Variants in DOCK7 observed in about 807,000 individuals in gnomAD.
DOCK7 encodes dedicator of cytokinesis protein 7.
Under a neutral mutation model 271.0 loss-of-function variants are expected in DOCK7, and 138 were observed. The observed-to-expected ratio is 0.51, with a 90% CI of 0.44 to 0.59. The LOEUF (loss-of-function observed/expected upper bound fraction) is 0.59, where lower values mean the gene tolerates loss of function less well. DOCK7 is among the 20% of genes least tolerant of loss of function. DOCK7 has a pLI of 0.00. For synonymous variants in DOCK7, 823 were observed against 876.1 expected (o/e 0.94, Z 1.07); for missense variants, 2,066 against 2,592.4 (o/e 0.80, Z 4.41).
intron 21 of DOCK7, chr1:62,555,462 A>C (rs541652587): frequency 6.2e-6 from 1 of 161,788 alleles, no homozygotes; most frequent in East Asian, 1.8e-4. Context: ...TGGGCTCATG[A>C]GATCCTCCCA....
chr1:62,636,643 A>G (rs761912927), intron 7 of DOCK7, 40 bp from the exon 8 acceptor site: 3 of 1,481,246 alleles, frequency 2.0e-6, no homozygotes, highest in Non-Finnish European at 2.8e-6. Flanking sequence ...AAAGATAAAC[A>G]TGAAATACAC....
intron 14 of DOCK7, among the ~76,000 whole-genome samples, chr1:62,612,911 C>T (rs1012957040): frequency 6.6e-5 from 10 of 152,130 alleles, no homozygotes; most frequent in South Asian, 4.2e-4. Context: ...ACTGGAAATG[C>T]GGCTAACTCT....
At chr1:62,458,156 GGTGTGT>G (rs10609544) in intron 48 of DOCK7, 6,075 of 152,982 alleles carry the variant, frequency 0.04, 258 homozygotes, top group African/African-American at 0.11. Context: ...CTCAAACGTG[GGTGTGT>G]GTGTGTGTGT....
At chr1:62,529,190 AAATAAGATCTT>A in intron 30 of DOCK7, 76 bp downstream of exon 30, 1 of 1,298,972 alleles carries the variant, frequency 7.7e-7, no homozygotes, top group East Asian at 2.5e-5. Flanking sequence ...TATTTTCCTA[AAATAAGATCTT>A]CATCCTTGAG....
intron 15 of DOCK7, 28 bp downstream of exon 15, chr1:62,586,479 A>G: frequency 1.3e-6 from 2 of 1,514,816 alleles, no homozygotes; most frequent in Non-Finnish European, 1.8e-6. Context: ...AATACAAAAA[A>G]TTAGAAAAGT....
At chr1:62,466,090 T>G (rs879459516) in intron 48 of DOCK7, among the ~76,000 whole-genome samples, 2 of 152,184 alleles carry the variant, frequency 1.3e-5, no homozygotes, top group Non-Finnish European at 2.9e-5. Flanking sequence ...CAGTTTCTAC[T>G]GACAAAGAAG....
chr1:62,529,372 T>C lies in DOCK7; in HGVS notation c.3686A>G (p.Tyr1229Cys). The C allele has an allele frequency of 6.2e-7, 1 of 1,613,750 alleles. No individual in the cohort carries two copies. Among genetic ancestry groups the C allele is most frequent in the Non-Finnish European group, 8.5e-7 (1 of 1,179,920 alleles). The change falls in exon 30 of 50, where the codon TAC (tyrosine) becomes TGC (cysteine). Residue 1229 changes from tyrosine (Y) to cysteine (C), a missense_variant. Tyr to Cys is a radical substitution (Grantham distance 194). Coordinates refer to ENST00000635253, the MANE Select transcript of DOCK7 (RefSeq NM_001367561.1). ...TCGAGCCTTTATCTGAGGGTCAGAGTACCGCGGGTCTGAGTCGTGACTGGA... is the reference window on the plus strand; with the variant it reads ...TCGAGCCTTTATCTGAGGGTCAGAGCACCGCGGGTCTGAGTCGTGACTGGA... ...LLSSHDSDPR[Y>C]SDPQIKARVA...
chr1:62,663,261 C>T, intron 1 of DOCK7, 131 bp from the exon 2 acceptor site: 1 of 694,290 alleles, frequency 1.4e-6, no homozygotes, highest in Non-Finnish European at 2.4e-6. Context: ...AACAATAAGG[C>T]TAGAAATTCG....
intron 1 of DOCK7, among the ~76,000 whole-genome samples, chr1:62,687,954 C>G (rs906622232): frequency 1.3e-5 from 2 of 152,192 alleles, no homozygotes; most frequent in African/African-American, 4.8e-5. Context: ...CGCCGAGGAG[C>G]AGGAGGAGGC....
intron 7 of DOCK7, among the ~76,000 whole-genome samples, chr1:62,645,967 G>A (rs766962698): frequency 3.3e-5 from 5 of 151,770 alleles, no homozygotes; most frequent in African/African-American, 4.8e-5. Context: ...CCAACGTGGT[G>A]AAACCTCATC....
At position 62,494,332 on chromosome 1, in the gene DOCK7, T is replaced by G; in HGVS notation, c.5160A>C (p.Glu1720Asp). ...CLVHSAALVA[E>D]YLSMLEDRKY... ...TCCGGTCCTCCAGCATGCTCAAATATTCAGCAACAAGTGCTGCTGAGTGGA... is the reference window on the plus strand; with the variant it reads ...TCCGGTCCTCCAGCATGCTCAAATAGTCAGCAACAAGTGCTGCTGAGTGGA... Residue 1720 changes from glutamate to aspartate, a missense_variant, in exon 40 of 50, where the codon GAA (glutamate) becomes GAC (aspartate). Glu to Asp is a conservative substitution (Grantham distance 45, BLOSUM62 2). This residue lies in a region of DOCK7 where 652 missense variants were observed against 922.1 expected (regional missense o/e 0.71). Coordinates refer to ENST00000635253, the MANE Select transcript of DOCK7 (RefSeq NM_001367561.1). 1 of 1,609,652 alleles carries G rather than the reference T, an allele frequency of 6.2e-7. No homozygotes were observed. The highest frequency in any genetic ancestry group is 8.5e-7 in the Non-Finnish European group (1 of 1,176,734).
intron 31 of DOCK7, among the ~76,000 whole-genome samples, chr1:62,515,214 T>G (rs1571361499): frequency 6.6e-6 from 1 of 151,822 alleles, no homozygotes; most frequent in African/African-American, 2.4e-5. Flanking sequence ...ACAGAAAGTG[T>G]GGCTCCCGAG....
chr1:62,606,894 C>G (rs763442491), intron 14 of DOCK7, among the ~76,000 whole-genome samples: 1 of 152,054 alleles, frequency 6.6e-6, no homozygotes, highest in Non-Finnish European at 1.5e-5. Flanking sequence ...ATACCCTATA[C>G]TTCACTCAAA....
chr1:62,494,612 A>G (rs973011300), intron 39 of DOCK7, 145 bp from the exon 40 acceptor site: 29 of 539,968 alleles, frequency 5.4e-5, no homozygotes, highest in Non-Finnish European at 8.2e-5. Context: ...AAATGTCGCT[A>G]TGCAGGCCTA....
Position 62,501,049 on chromosome 1 carries a change from G to A in DOCK7, c.4764+3581C>T, listed in dbSNP as rs977702254. ...GAAACGCTGTCTCTATTTTTAAAAG[G>A]GGGGGTGAGTGGGGTGGGCAGGGCG... On this transcript the variant is annotated intron_variant, in intron 37 of 49. Coordinates refer to ENST00000635253, the MANE Select transcript of DOCK7 (RefSeq NM_001367561.1). Among the ~76,000 whole-genome samples, 28 of 151,952 alleles carry A rather than the reference G, an allele frequency of 1.8e-4. 1 individual carries two copies. The highest frequency in any genetic ancestry group is 2.0e-4 in the Admixed American group (3 of 15,252).
At chr1:62,468,412 C>T (rs543434267) in intron 48 of DOCK7, among the ~76,000 whole-genome samples, 3 of 149,580 alleles carry the variant, frequency 2.0e-5, no homozygotes, top group East Asian at 3.9e-4. Context: ...AGGGACATAC[C>T]TCAATGTAAT....
At chr1:62,513,936 A>G (rs1644579778) in intron 31 of DOCK7, 38 bp from the exon 32 acceptor site, 1 of 1,543,838 alleles carries the variant, frequency 6.5e-7, no homozygotes. Context: ...CAGATTGATC[A>G]AAGACCATTT....
At chr1:62,463,539 A>G (rs1645590202) in intron 48 of DOCK7, among the ~76,000 whole-genome samples, 1 of 152,206 alleles carries the variant, frequency 6.6e-6, no homozygotes, top group Non-Finnish European at 1.5e-5. Context: ...TTGTAACTAA[A>G]AACAAAACAA....
chr1:62,532,472 T>C (rs564799438), intron 29 of DOCK7, among the ~76,000 whole-genome samples: 36 of 152,222 alleles, frequency 2.4e-4, no homozygotes, highest in Admixed American at 8.5e-4. Flanking sequence ...GCTGGGACTA[T>C]AGGTATGCAC....
Sources: allele counts gnomAD v4.1 joint callset (sites outside exome capture counted in the v4.1 genomes callset), GRCh38; gene constraint gnomAD v4.1.1; regional missense constraint gnomAD v4.1.1; transcripts MANE v1.5; gene names NCBI Gene and HGNC (gene_info 2026-07-23, HGNC 2026-07-21).